The following TBC1D4 variants were observed in gnomAD, a reference collection of about 807,000 sequenced individuals.
TBC1D4 encodes TBC (Tre-2, BUB2, CDC16) domain-containing protein.
A neutral mutation model predicts 142.5 loss-of-function variants in TBC1D4; 121 were observed. The observed-to-expected ratio is 0.85, with a 90% CI of 0.73 to 0.99. The LOEUF is 0.99. TBC1D4 is among the 50% of genes least tolerant of loss of function. TBC1D4 has a pLI of 0.00. For synonymous variants in TBC1D4, 630 were observed against 628.2 expected, an observed-to-expected ratio of 1.00 and a Z score of -0.04; for missense variants, 1,475 against 1,606.6, an observed-to-expected ratio of 0.92 and a Z score of 1.40.
At chr13:75,340,551 G>A (rs756473125) in intron 7 of TBC1D4, among the ~76,000 whole-genome samples, 21 of 151,994 alleles carry the variant, frequency 1.4e-4, no homozygotes, top group Non-Finnish European at 2.9e-4. Context: ...TCTAAATCAC[G>A]AACATGTACT....
At chr13:75,308,884 C>A (rs1323585188) in intron 14 of TBC1D4, among the ~76,000 whole-genome samples, 1 of 151,960 alleles carries the variant, frequency 6.6e-6, no homozygotes, top group East Asian at 1.9e-4. Context: ...CTGCTAACAG[C>A]GATTTTAAAA....
intron 7 of TBC1D4, among the ~76,000 whole-genome samples, chr13:75,338,879 C>T (rs1194893090): frequency 1.3e-5 from 2 of 152,220 alleles, no homozygotes; most frequent in African/African-American, 4.8e-5. Flanking sequence ...GAAACCCTGA[C>T]GTTGTTCACA....
intron 1 of TBC1D4, among the ~76,000 whole-genome samples, chr13:75,378,301 AG>A: frequency 6.6e-6 from 1 of 152,302 alleles, no homozygotes; most frequent in East Asian, 1.9e-4. Flanking sequence ...TAAAATGATC[AG>A]CTTTTGAAAA....
At position 75,349,207 on chromosome 13, in the gene TBC1D4, C is replaced by CG; in HGVS notation, c.1370dup (p.Met458AspfsTer6). The CG allele has an allele frequency of 3.1e-6, 5 of 1,614,028 alleles. No homozygotes were observed. The highest frequency in any genetic ancestry group is 4.2e-6 in the Non-Finnish European group (5 of 1,179,950). On this transcript the variant is annotated frameshift_variant, in exon 5 of 21. Coordinates refer to ENST00000377636, the MANE Select transcript of TBC1D4 (RefSeq NM_014832.5). LOFTEE classifies it high-confidence loss of function. The stretch of plus-strand genomic sequence containing the variant: ...CACAGAGCTTATGCAAAGAGTGCAT[C>CG]GGGCAGGCCTCACACAGTTTAATCT...
chr13:75,481,066 C>T (rs1293693236), intron 1 of TBC1D4, among the ~76,000 whole-genome samples: 2 of 152,222 alleles, frequency 1.3e-5, no homozygotes, highest in African/African-American at 4.8e-5. Context: ...CCGCTCCCGC[C>T]GCTCGCCCAG....
intron 1 of TBC1D4, among the ~76,000 whole-genome samples, chr13:75,455,510 G>A (rs1445799958): frequency 6.6e-6 from 1 of 152,152 alleles, no homozygotes; most frequent in South Asian, 2.1e-4. Context: ...GGGAGACTGA[G>A]GCAGGAGGAT....
intron 15 of TBC1D4, 51 bp downstream of exon 15, chr13:75,306,262 C>G (rs1174176117): frequency 2.0e-6 from 3 of 1,483,012 alleles, no homozygotes; most frequent in Non-Finnish European, 2.7e-6. Flanking sequence ...AAAAAAAAAT[C>G]CCCCAGGCTT....
intron 17 of TBC1D4, among the ~76,000 whole-genome samples, chr13:75,298,150 T>C (rs1876148580): frequency 3.3e-5 from 5 of 152,210 alleles, no homozygotes; most frequent in Admixed American, 3.3e-4. Context: ...TTACTTCTTA[T>C]CTAAAGCACA....
intron 1 of TBC1D4, among the ~76,000 whole-genome samples, chr13:75,451,139 AC>A (rs1478031186): frequency 2.0e-5 from 3 of 152,102 alleles, no homozygotes; most frequent in Admixed American, 2.0e-4. Context: ...TTAATTCAGA[AC>A]TTTTCTCTGC....
chr13:75,394,928 G>C (rs1420740334), intron 1 of TBC1D4, among the ~76,000 whole-genome samples: 1 of 152,194 alleles, frequency 6.6e-6, no homozygotes, highest in Non-Finnish European at 1.5e-5. Context: ...CAATTTGACA[G>C]AGCATACAGG....
At chr13:75,309,175 T>A (rs982936073) in intron 14 of TBC1D4, among the ~76,000 whole-genome samples, 2 of 152,174 alleles carry the variant, frequency 1.3e-5, no homozygotes, top group Admixed American at 6.5e-5. Context: ...CCCAAAATAA[T>A]GAAATTTATA....
chr13:75,361,759 T>C (rs985513610), intron 2 of TBC1D4, among the ~76,000 whole-genome samples: 2 of 152,100 alleles, frequency 1.3e-5, no homozygotes, highest in Non-Finnish European at 2.9e-5. Flanking sequence ...CTCTACCAGG[T>C]GTCCAGGACG....
chr13:75,438,963 T>C (rs150793065), intron 1 of TBC1D4, among the ~76,000 whole-genome samples: 1 of 152,194 alleles, frequency 6.6e-6, no homozygotes, highest in Non-Finnish European at 1.5e-5. Flanking sequence ...AGCTACATTA[T>C]TTTAGTGCCA....
chr13:75,447,231 G>A (rs1887327133), intron 1 of TBC1D4, among the ~76,000 whole-genome samples: 1 of 152,094 alleles, frequency 6.6e-6, no homozygotes, highest in Admixed American at 6.6e-5. Flanking sequence ...AGTATGGAAG[G>A]ATTAAGGTAG....
intron 8 of TBC1D4, 115 bp downstream of exon 8, chr13:75,336,806 G>T: frequency 2.5e-6 from 3 of 1,193,676 alleles, no homozygotes; most frequent in Admixed American, 2.5e-5. Flanking sequence ...GTTATCTTAG[G>T]TTTTTTTTTT....
At chr13:75,472,922 A>G (rs1031319778) in intron 1 of TBC1D4, among the ~76,000 whole-genome samples, 46 of 152,358 alleles carry the variant, frequency 3.0e-4, no homozygotes, top group Middle Eastern at 6.8e-3. Context: ...TGGGAATTAA[A>G]TGACTGAAAC....
At chr13:75,361,416 T>C (rs1158461254) in intron 2 of TBC1D4, among the ~76,000 whole-genome samples, 1 of 152,236 alleles carries the variant, frequency 6.6e-6, no homozygotes, top group Non-Finnish European at 1.5e-5. Flanking sequence ...AGTCTCGCTC[T>C]GTCGCCCAGG....
intron 1 of TBC1D4, among the ~76,000 whole-genome samples, chr13:75,380,340 G>T (rs910414784): frequency 4.0e-5 from 6 of 151,822 alleles, no homozygotes; most frequent in African/African-American, 1.5e-4. Context: ...GGACATGGTG[G>T]CTGGTGCCTG....
Position 75,481,753 on chromosome 13 carries a change from G to C in TBC1D4, c.15C>G (p.Ser5Arg). The change falls in exon 1 of 21, where the codon AGC (serine) becomes AGG (arginine). Residue 5 changes from serine (S) to arginine (R), a missense_variant. This residue lies in a region of TBC1D4 where 1,227 missense variants were observed against 1,267.7 expected (regional missense o/e 0.97). Coordinates refer to ENST00000377636, the MANE Select transcript of TBC1D4 (RefSeq NM_014832.5). Reference protein sequence around the residue: MEPPSCIQDEPFPHP... With the variant: MEPPRCIQDEPFPHP... ...GCGGGAACGGCTCATCCTGAATGCA[G>C]CTGGGCGGCTCCATAACTCTCGCCT... 2 of 1,587,138 alleles carry C rather than the reference G, an allele frequency of 1.3e-6. No homozygotes were observed. Among genetic ancestry groups the C allele is most frequent in the Non-Finnish European group, 1.7e-6 (2 of 1,170,596 alleles).
Sources: gnomAD v4.1 joint callset for allele counts (sites outside exome capture counted in the v4.1 genomes callset) on GRCh38, gnomAD v4.1.1 for gene constraint, gnomAD v4.1.1 regional missense constraint, MANE v1.5 for transcripts, NCBI Gene and HGNC (gene_info 2026-07-23, HGNC 2026-07-21) for gene names.